The following CCDC88C variants were observed in gnomAD, a reference collection of about 807,000 sequenced individuals.
CCDC88C encodes the protein protein Daple.
A neutral mutation model predicts 198.8 loss-of-function variants in CCDC88C; 131 were observed. That is an observed-to-expected ratio of 0.66 (90% CI 0.57 to 0.76). The LOEUF is 0.76. Among genes scored for constraint, CCDC88C ranks in the 30% least tolerant of loss-of-function variants. The pLI, the probability that CCDC88C is intolerant of heterozygous loss-of-function variation, is 0.00. For synonymous variants in CCDC88C, 1,166 were observed against 1,114.7 expected (o/e 1.05, Z -0.92); for missense variants, 2,553 against 2,631.6 (o/e 0.97, Z 0.65).
chr14:91,272,826 G>C lies in CCDC88C; in HGVS notation c.5886C>G (p.Leu1962=), dbSNP rs1420178725. 1 of 1,596,220 alleles carries C rather than the reference G, an allele frequency of 6.3e-7. No individual in the cohort carries two copies. The highest frequency in any genetic ancestry group is 2.2e-5 in the East Asian group (1 of 44,530). Residue 1962 remains leucine (L), a synonymous_variant, in exon 30 of 30, where the codon CTC becomes CTG. Coordinates refer to ENST00000389857, the MANE Select transcript of CCDC88C (RefSeq NM_001080414.4). ...GCCCCGGGACCCCGTCTCCCTCTGA[G>C]AGGCTGAGCCCTGCCCGGACAGGGG... is the stretch of plus-strand genomic sequence containing the variant. ...TITPVRAGLS[L]SEGDGVPGQG...
At chr14:91,411,098 G>A (rs545228152) in intron 2 of CCDC88C, among the ~76,000 whole-genome samples, 3 of 152,240 alleles carry the variant, frequency 2.0e-5, no homozygotes, top group South Asian at 2.1e-4. Flanking sequence ...GCTACTTACC[G>A]TGATTATTAC....
intron 4 of CCDC88C, among the ~76,000 whole-genome samples, chr14:91,358,715 C>T (rs1894154087): frequency 6.6e-6 from 1 of 152,184 alleles, no homozygotes; most frequent in Non-Finnish European, 1.5e-5. Flanking sequence ...GTTGCCCAGG[C>T]TGGTCTTAAA....
chr14:91,313,420 A>G lies in CCDC88C; in HGVS notation c.2396T>C (p.Leu799Pro), dbSNP rs1384476235. The change falls in exon 15 of 30, where the codon CTG becomes CCG. Residue 799 changes from leucine (L) to proline (P), a missense_variant. Leu to Pro is a moderately conservative substitution (Grantham distance 98). Transcript: ENST00000389857. This position sits in a 1 kb window ranked among gnomAD's most constrained non-coding sequence, Gnocchi z 5.2. ...CCGGAGGGCCTCCAGGTCCCGCCGC[A>G]GCGCCTGGCGCTCAGCCTCCAGCTC... ...LGELEAERQA[L>P]RRDLEALRLA... 2 of 1,607,472 alleles carry G rather than the reference A, an allele frequency of 1.2e-6. No individual in the cohort carries two copies. The highest frequency in any genetic ancestry group is 2.2e-5 in the South Asian group (2 of 91,030).
chr14:91,344,851 T>C (rs1322164368), intron 4 of CCDC88C, among the ~76,000 whole-genome samples: 19 of 150,540 alleles, frequency 1.3e-4, no homozygotes, highest in Admixed American at 1.3e-3. Context: ...GGTTGGGGTA[T>C]AGTGGTGCAA....
At chr14:91,321,395 G>T in intron 12 of CCDC88C, 91 bp from the exon 13 acceptor site, 1 of 1,374,182 alleles carries the variant, frequency 7.3e-7, no homozygotes, top group Non-Finnish European at 1.0e-6. Context: ...CAGTCCCGGA[G>T]TCCAGGGTCT....
rs752804158 is a variant in CCDC88C, at chr14:91,272,965, G to A, written c.5747C>T (p.Ala1916Val). The A allele has an allele frequency of 1.3e-6, 2 of 1,557,288 alleles. No homozygotes were observed. The highest frequency in any genetic ancestry group is 2.7e-5 in the African/African-American group (2 of 73,952). The change falls in exon 30 of 30, where the codon GCT becomes GTT. Residue 1916 changes from alanine to valine, a missense_variant. By Grantham distance (64) the Ala-to-Val change is moderately conservative (BLOSUM62 0). Around this residue, in one of 2 missense-constraint regions of CCDC88C, gnomAD observed 1,293 missense variants for 1,219.6 expected, o/e 1.06. Transcript: ENST00000389857. ...GGAGTTGCTGCCACTGCCAGCAGCA[G>A]CAGCACCAGCACCTGCAGTGGCAAT... Reference protein sequence around the residue: ...PAIATAGAGAAAAGSGSNSQL... With the variant: ...PAIATAGAGAVAAGSGSNSQL...
intron 4 of CCDC88C, among the ~76,000 whole-genome samples, chr14:91,358,697 C>G (rs1894153165): frequency 6.6e-6 from 1 of 152,162 alleles, no homozygotes; most frequent in South Asian, 2.1e-4. Context: ...GAGATGAGAT[C>G]TCACTATGTT....
chr14:91,384,515 C>T (rs929251378), intron 3 of CCDC88C: 32 of 515,982 alleles, frequency 6.2e-5, no homozygotes, highest in Non-Finnish European at 1.1e-4. Flanking sequence ...TCCTCATCTG[C>T]TTCTTCACCT....
In CCDC88C at chr14:91,305,776, C is replaced by T. The variant is rs747270341; in HGVS notation, c.3346G>A (p.Ala1116Thr). ...GGAGCCCCGCTCACCTGCAGCTTGG[C>T]GGTCTGGGTCTGCAGTGTGGTGTTG... ...EHNTTLQTQT[A>T]KLQVENSTLS... Residue 1116 changes from alanine (A) to threonine (T), a missense_variant, in exon 19 of 30, where the codon GCC (alanine) becomes ACC (threonine). Physicochemically the swap from Ala to Thr is moderately conservative, Grantham distance 58. This residue lies in a region of CCDC88C where 1,260 missense variants were observed against 1,412.0 expected (regional missense o/e 0.89). Transcript: ENST00000389857. 82 of 1,600,114 alleles carry T rather than the reference C, an allele frequency of 5.1e-5. No individual in the cohort carries two copies. The highest frequency in any genetic ancestry group is 6.2e-5 in the Non-Finnish European group (72 of 1,168,334).
chr14:91,396,280 C>A (rs1885833753), intron 3 of CCDC88C, among the ~76,000 whole-genome samples: 1 of 152,208 alleles, frequency 6.6e-6, no homozygotes, highest in African/African-American at 2.4e-5. Context: ...ATCAAACATG[C>A]TGATCCTGGC....
At chr14:91,380,000 G>C in intron 3 of CCDC88C, 1 of 663,692 alleles carries the variant, frequency 1.5e-6, no homozygotes, top group East Asian at 2.7e-5. Context: ...CGAGCCCACC[G>C]TGAGAACCAA....
rs181933703 is a variant in CCDC88C, at chr14:91,319,517, C to T, written c.1527+1603G>A. On this transcript the variant is annotated intron_variant, in intron 13 of 29. Coordinates refer to ENST00000389857, the MANE Select transcript of CCDC88C (RefSeq NM_001080414.4). ...AAGGTGTTCCGTCAGTGGCCTCACA[C>T]ATACAGACCTAGGCTTTGCAGCCCC... is the stretch of plus-strand genomic sequence containing the variant. Among the ~76,000 whole-genome samples, 23 of 152,368 alleles carry T rather than the reference C, an allele frequency of 1.5e-4. No homozygotes were observed. In the East Asian group the frequency reaches 3.7e-3, roughly 24 times the overall value.
intron 3 of CCDC88C, 167 bp downstream of exon 3, chr14:91,408,492 T>C (rs1390262859): frequency 6.4e-6 from 4 of 623,788 alleles, no homozygotes; most frequent in Non-Finnish European, 1.2e-5. Flanking sequence ...CACCATCTCA[T>C]CCTCACACAT....
intron 3 of CCDC88C, among the ~76,000 whole-genome samples, chr14:91,372,508 C>T (rs1035887628): frequency 3.2e-5 from 2 of 62,258 alleles, no homozygotes; most frequent in African/African-American, 7.9e-5. Flanking sequence ...CAGGTGACAT[C>T]CAGGTAGATG....
At chr14:91,397,523 C>T (rs1319354813) in intron 3 of CCDC88C, among the ~76,000 whole-genome samples, 1 of 152,218 alleles carries the variant, frequency 6.6e-6, no homozygotes, top group Non-Finnish European at 1.5e-5. Flanking sequence ...ATCTCCTTGC[C>T]CTGGCTGAAC....
intron 2 of CCDC88C, among the ~76,000 whole-genome samples, chr14:91,413,719 A>T (rs911628209): frequency 6.6e-6 from 1 of 152,188 alleles, no homozygotes; most frequent in African/African-American, 2.4e-5. Flanking sequence ...ACCAGGGCCG[A>T]GAGACTACTA....
rs953402662 is a variant in CCDC88C at position 91,381,274 on chromosome 14, G to A, written c.271-21563C>T. On this transcript the variant is annotated intron_variant, in intron 3 of 29. Transcript: ENST00000389857. This position sits in a 1 kb window ranked among gnomAD's most constrained non-coding sequence, Gnocchi z 4.2. Reference sequence around the variant, plus strand: ...CCCACCAGACCCCTCACACATGCCCGTGAGGGGGTCAAACTCCAAATCTCA... The same window carrying A: ...CCCACCAGACCCCTCACACATGCCCATGAGGGGGTCAAACTCCAAATCTCA... 7.2e-5 allele frequency among the ~76,000 whole-genome samples: 11 copies of A among 152,298 alleles called. No homozygotes were observed. The highest frequency in any genetic ancestry group is 5.9e-4 in the Admixed American group (9 of 15,298).
intron 3 of CCDC88C, among the ~76,000 whole-genome samples, chr14:91,380,228 G>C (rs1480922622): frequency 6.6e-6 from 1 of 152,104 alleles, no homozygotes; most frequent in Non-Finnish European, 1.5e-5. Flanking sequence ...TTAATAATAG[G>C]ATTCGGCTAT....
chr14:91,407,675 C>A (rs1164609670), intron 3 of CCDC88C, among the ~76,000 whole-genome samples: 1 of 152,184 alleles, frequency 6.6e-6, no homozygotes, highest in Non-Finnish European at 1.5e-5. Flanking sequence ...AAAACCAGGG[C>A]TCCAAGGTAC....
Sources: allele counts gnomAD v4.1 joint callset (sites outside exome capture counted in the v4.1 genomes callset), GRCh38; gene constraint gnomAD v4.1.1; regional missense constraint gnomAD v4.1.1; non-coding constraint Gnocchi (gnomAD v3.1); transcripts MANE v1.5; gene names NCBI Gene and HGNC (gene_info 2026-07-23, HGNC 2026-07-21).